Variants in KCNH7 observed in about 807,000 individuals in gnomAD.
KCNH7 encodes potassium voltage-gated channel subfamily H member 7.
KCNH7 carries 49 observed loss-of-function variants against 120.8 expected under a neutral mutation model. That is an observed-to-expected ratio of 0.41 (90% CI 0.32 to 0.51). The LOEUF (loss-of-function observed/expected upper bound fraction) is 0.51, where lower values mean the gene tolerates loss of function less well. Among genes scored for constraint, KCNH7 ranks in the 20% least tolerant of loss-of-function variants. KCNH7 has a pLI of 0.38. For missense variants in KCNH7, 1,097 were observed against 1,446.6 expected, an observed-to-expected ratio of 0.76 and a Z score of 3.92; for synonymous variants, 547 against 516.1, an observed-to-expected ratio of 1.06 and a Z score of -0.81.
intron 6 of KCNH7, among the ~76,000 whole-genome samples, chr2:162,488,717 G>A (rs78394270): frequency 0.03 from 4,641 of 152,216 alleles, 153 homozygotes; most frequent in South Asian, 0.098. Flanking sequence ...GTGCCCCACT[G>A]CACTGTTTTG....
intron 15 of KCNH7, 61 bp downstream of exon 15, chr2:162,373,409 T>G (rs1686036630): frequency 8.4e-7 from 1 of 1,185,036 alleles, no homozygotes; most frequent in East Asian, 2.8e-5. Flanking sequence ...TGATTCTGAT[T>G]AGGTGACCCC....
rs144992832 is a variant in KCNH7 at position 162,733,580 on chromosome 2, C to T, written c.307+102957G>A. On this transcript the variant is annotated intron_variant, in intron 2 of 15. Transcript: ENST00000332142. ...AAGCAGTGCTGAAACAGACTCATGA[C>T]GTGCATGTAGCATGAGCCAAAAGTG... Among the ~76,000 whole-genome samples the T allele has an allele frequency of 2.7e-3, 414 of 152,326 alleles. 1 individual carries two copies. The highest frequency in any genetic ancestry group is 9.4e-3 in the African/African-American group (390 of 41,578).
chr2:162,611,757 A>G (rs1396088707), intron 2 of KCNH7, among the ~76,000 whole-genome samples: 1 of 152,194 alleles, frequency 6.6e-6, no homozygotes, highest in East Asian at 1.9e-4. Flanking sequence ...ACACTGAGGA[A>G]GAGTAGCACC....
chr2:162,580,219 A>T (rs1046499794), intron 2 of KCNH7, among the ~76,000 whole-genome samples: 1 of 152,044 alleles, frequency 6.6e-6, no homozygotes. Context: ...GGTTCACAGC[A>T]CACGTCCATC....
At chr2:162,688,055 A>T (rs1365252192) in intron 2 of KCNH7, among the ~76,000 whole-genome samples, 2 of 152,324 alleles carry the variant, frequency 1.3e-5, no homozygotes, top group East Asian at 3.9e-4. Flanking sequence ...TTATGCAATT[A>T]GGAGGCATGT....
At chr2:162,801,431 C>A (rs1684345294) in intron 2 of KCNH7, among the ~76,000 whole-genome samples, 3 of 151,704 alleles carry the variant, frequency 2.0e-5, no homozygotes, top group Admixed American at 2.0e-4. Context: ...TCTTTTTTCT[C>A]AAATTCCTTT....
intron 2 of KCNH7, among the ~76,000 whole-genome samples, chr2:162,675,948 T>A (rs1238188954): frequency 6.6e-6 from 1 of 151,514 alleles, no homozygotes; most frequent in African/African-American, 2.4e-5. Context: ...TAGGAAGTTA[T>A]ATGTCTGTTT....
chr2:162,481,615 A>T (rs969463145), intron 6 of KCNH7, among the ~76,000 whole-genome samples: 1 of 151,970 alleles, frequency 6.6e-6, no homozygotes. Context: ...CAGAGTATAT[A>T]AAAGGAGGAG....
At chr2:162,560,006 A>G (rs1349707206) in intron 2 of KCNH7, among the ~76,000 whole-genome samples, 3 of 152,212 alleles carry the variant, frequency 2.0e-5, no homozygotes, top group Admixed American at 6.5e-5. Flanking sequence ...TTTCCAAAAT[A>G]TTTATTTGCT....
intron 2 of KCNH7, among the ~76,000 whole-genome samples, chr2:162,654,642 C>CTA (rs1315909207): frequency 1.3e-5 from 2 of 152,014 alleles, no homozygotes; most frequent in African/African-American, 4.8e-5. Flanking sequence ...AATTTCACTC[C>CTA]TATATATATA....
chr2:162,809,674 CA>C (rs1396398255), intron 2 of KCNH7, among the ~76,000 whole-genome samples: 2 of 152,002 alleles, frequency 1.3e-5, no homozygotes, highest in Admixed American at 6.6e-5. Context: ...TCTTTTAGGA[CA>C]AGGATAACAC....
At chr2:162,796,385 A>T (rs758752049) in intron 2 of KCNH7, 1 of 152,142 alleles carries the variant, frequency 6.6e-6, no homozygotes, top group Non-Finnish European at 1.5e-5. Context: ...CCAAGTAAAA[A>T]AAAAACCTGC....
At position 162,377,639 on chromosome 2, in the gene KCNH7, G is replaced by T. The variant is rs374488881; in HGVS notation, c.3131+2214C>A. 5.9e-5 allele frequency among the ~76,000 whole-genome samples: 9 copies of T among 152,106 alleles called. No homozygotes were observed. In the East Asian group the frequency reaches 7.7e-4, roughly 13 times the overall value. The stretch of plus-strand genomic sequence containing the variant: ...TACAGTGGCTTCTGTGCAAGGTTGT[G>T]GATCTTATAGAGTCTTTGTGATAGT... On this transcript the variant is annotated intron_variant, in intron 14 of 15. Coordinates refer to ENST00000332142, the MANE Select transcript of KCNH7 (RefSeq NM_033272.4).
chr2:162,569,538 G>A (rs1182533404), intron 2 of KCNH7, among the ~76,000 whole-genome samples: 1 of 137,610 alleles, frequency 7.3e-6, no homozygotes, highest in African/African-American at 2.8e-5. Context: ...CTTCAGTTCT[G>A]CTCTGATTTT....
intron 2 of KCNH7, among the ~76,000 whole-genome samples, chr2:162,803,221 A>G (rs1229693089): frequency 6.6e-6 from 1 of 151,810 alleles, no homozygotes; most frequent in Non-Finnish European, 1.5e-5. Context: ...ATTATTTAAA[A>G]TGTATTCCAA....
intron 6 of KCNH7, among the ~76,000 whole-genome samples, chr2:162,470,130 C>T (rs1689454782): frequency 2.0e-5 from 3 of 152,204 alleles, no homozygotes; most frequent in African/African-American, 4.8e-5. Context: ...GGCCGCCACC[C>T]CGTCTGGGAA....
chr2:162,790,880 A>C (rs1161403397), intron 2 of KCNH7, among the ~76,000 whole-genome samples: 2 of 152,068 alleles, frequency 1.3e-5, no homozygotes, highest in Non-Finnish European at 2.9e-5. Context: ...AATCATACTC[A>C]ATGGCGAAAT....
At chr2:162,460,731 T>C (rs902475600) in intron 6 of KCNH7, among the ~76,000 whole-genome samples, 2 of 152,182 alleles carry the variant, frequency 1.3e-5, no homozygotes, top group African/African-American at 4.8e-5. Flanking sequence ...AGATGAAATA[T>C]CTTGTTTTAA....
intron 5 of KCNH7, among the ~76,000 whole-genome samples, chr2:162,506,041 A>G (rs1690869902): frequency 6.6e-6 from 1 of 151,938 alleles, no homozygotes; most frequent in African/African-American, 2.4e-5. Flanking sequence ...AGTTTGAAGT[A>G]ATCTTAATAA....
Sources: allele counts gnomAD v4.1 joint callset (sites outside exome capture counted in the v4.1 genomes callset), GRCh38; gene constraint gnomAD v4.1.1; transcripts MANE v1.5; gene names NCBI Gene and HGNC (gene_info 2026-07-23, HGNC 2026-07-21).